KLC1: variants seen among roughly 807,000 people sequenced by gnomAD.
The protein encoded by KLC1 is kinesin light chain 1, also known as kinesin 2 60/70kDa.
KLC1 carries 30 observed loss-of-function variants against 84.2 expected under a neutral mutation model. That is an observed-to-expected ratio of 0.36 (90% CI 0.27 to 0.48). KLC1 has a LOEUF of 0.48. Ranked by LOEUF, KLC1 falls within the 20% of genes least tolerant of loss-of-function variation. KLC1 has a pLI of 0.99. For missense variants in KLC1, 499 were observed against 805.4 expected (o/e 0.62, Z 4.60); for synonymous variants, 289 against 293.3 (o/e 0.99, Z 0.15).
At chr14:103,655,443 C>T (rs1399444642) in intron 2 of KLC1, among the ~76,000 whole-genome samples, 1 of 151,362 alleles carries the variant, frequency 6.6e-6, no homozygotes, top group Non-Finnish European at 1.5e-5. Flanking sequence ...GCTGGGATTA[C>T]AGGCATGGGC....
chr14:103,642,214 G>A (rs1354331657), intron 1 of KLC1, among the ~76,000 whole-genome samples: 1 of 152,152 alleles, frequency 6.6e-6, no homozygotes, highest in African/African-American at 2.4e-5. Flanking sequence ...ACAGGCATGA[G>A]CCACTGCTCA....
intron 14 of KLC1, among the ~76,000 whole-genome samples, chr14:103,689,970 AG>A (rs2081997301): frequency 6.6e-6 from 1 of 152,146 alleles, no homozygotes; most frequent in African/African-American, 2.4e-5. Flanking sequence ...ACTTGAGATC[AG>A]GAGTTTGAAA....
intron 3 of KLC1, among the ~76,000 whole-genome samples, chr14:103,658,194 T>A (rs1200035354): frequency 6.6e-6 from 1 of 152,208 alleles, no homozygotes; most frequent in African/African-American, 2.4e-5. Flanking sequence ...GCCTCTCTCA[T>A]CCTCCCCTTG....
intron 14 of KLC1, among the ~76,000 whole-genome samples, chr14:103,689,459 A>C (rs924032412): frequency 1.3e-5 from 2 of 152,228 alleles, no homozygotes; most frequent in Non-Finnish European, 2.9e-5. Flanking sequence ...TTTCTACATG[A>C]CTTTGGAAAT....
intron 1 of KLC1, among the ~76,000 whole-genome samples, chr14:103,644,979 C>G (rs1401784033): frequency 6.6e-6 from 1 of 151,552 alleles, no homozygotes; most frequent in African/African-American, 2.4e-5. Flanking sequence ...TTCTCTCTCT[C>G]TTTCTTTCTT....
chr14:103,698,197 C>G (rs118143436), intron 15 of KLC1: 1 of 160,540 alleles, frequency 6.2e-6, no homozygotes, highest in African/African-American at 2.4e-5. Context: ...GTGGGATATG[C>G]TTTCTCCACC....
In KLC1 at chr14:103,673,377, C is replaced by G. The variant is rs1012756543; in HGVS notation, c.1207C>G (p.Leu403Val). 2.5e-6 allele frequency: 4 copies of G among 1,609,402 alleles called. No homozygotes were observed. In the African/African-American group the frequency reaches 5.4e-5, roughly 22 times the overall value. Residue 403 changes from leucine (L) to valine (V), a missense_variant, in exon 9 of 17, where the codon CTG becomes GTG. Leu to Val is a conservative substitution (Grantham distance 32). Around this residue, in one of 3 missense-constraint regions of KLC1, gnomAD observed 153 missense variants for 332.4 expected, o/e 0.46. Transcript: ENST00000334553. ...KQGKFKQAET[L>V]YKEILTRAHE... Reference sequence around the variant, plus strand: ...AGGAAAGTTCAAGCAAGCAGAAACACTGTACAAAGAGATTCTCACTCGTGC... The same window carrying G: ...AGGAAAGTTCAAGCAAGCAGAAACAGTGTACAAAGAGATTCTCACTCGTGC...
intron 1 of KLC1, among the ~76,000 whole-genome samples, chr14:103,639,573 G>A (rs1473736524): frequency 6.6e-6 from 1 of 152,104 alleles, no homozygotes; most frequent in African/African-American, 2.4e-5. Flanking sequence ...CTCCTGAGTA[G>A]CTGGGACCAC....
At chr14:103,647,144 CT>C (rs1567012250) in intron 1 of KLC1, among the ~76,000 whole-genome samples, 1 of 152,090 alleles carries the variant, frequency 6.6e-6, no homozygotes, top group African/African-American at 2.4e-5. Context: ...CTACAGTTAC[CT>C]TGTCTATCCG....
At chr14:103,656,056 T>C (rs984663880) in intron 2 of KLC1, among the ~76,000 whole-genome samples, 1 of 152,240 alleles carries the variant, frequency 6.6e-6, no homozygotes, top group South Asian at 2.1e-4. Flanking sequence ...CACTGCACCT[T>C]GGCAGCCTGT....
intron 1 of KLC1, 71 bp from the exon 2 acceptor site, chr14:103,654,493 A>G: frequency 7.7e-7 from 1 of 1,306,082 alleles, no homozygotes; most frequent in African/African-American, 1.5e-5. Context: ...AAAAATTTTC[A>G]TATTTACTTG....
At chr14:103,636,792 G>A (rs1268236242) in intron 1 of KLC1, among the ~76,000 whole-genome samples, 3 of 151,438 alleles carry the variant, frequency 2.0e-5, no homozygotes, top group African/African-American at 7.3e-5. Context: ...GCGCGATCTC[G>A]GCTCACTGCA....
At chr14:103,678,574 C>T (rs1018693993) in intron 12 of KLC1, among the ~76,000 whole-genome samples, 2 of 151,656 alleles carry the variant, frequency 1.3e-5, no homozygotes, top group African/African-American at 4.8e-5. Flanking sequence ...CCTGTGGTCC[C>T]AGCTATTTGG....
chr14:103,668,483 T>C (rs1308353689), intron 5 of KLC1, among the ~76,000 whole-genome samples: 1 of 152,160 alleles, frequency 6.6e-6, no homozygotes, highest in Non-Finnish European at 1.5e-5. Context: ...CTTTTTTCTT[T>C]TTTTTTTCTT....
chr14:103,700,728 G>A lies in KLC1; in HGVS notation c.*1+1G>A, dbSNP rs368539982. ...TGGCCTGGAAGACGCCACCGCTAAC[G>A]TGAGTCCCACGGCCTGCAGCCCCAG... On this transcript the variant is annotated splice_donor_variant, in intron 16 of 16. Coordinates refer to ENST00000334553, the MANE Select transcript of KLC1 (RefSeq NM_001394837.1). LOFTEE classifies it low-confidence loss of function (3UTR_SPLICE). 5.6e-6 allele frequency: 9 copies of A among 1,594,640 alleles called. No homozygotes were observed. The highest frequency in any genetic ancestry group is 6.8e-6 in the Non-Finnish European group (8 of 1,171,414).
intron 1 of KLC1, among the ~76,000 whole-genome samples, chr14:103,649,753 T>G (rs972340342): frequency 3.3e-5 from 5 of 151,430 alleles, no homozygotes; most frequent in African/African-American, 1.2e-4. Context: ...TGGAGTGCAG[T>G]GGCGCCATCT....
intron 1 of KLC1, among the ~76,000 whole-genome samples, chr14:103,638,900 GGTGTGTGT>G (rs530816509): frequency 6.7e-6 from 1 of 150,038 alleles, no homozygotes; most frequent in African/African-American, 2.4e-5. Flanking sequence ...TGAGCACAAG[GGTGTGTGT>G]GTGTGTGTGC....
rs3212135 is a variant in KLC1, at chr14:103,696,785, C to T, written c.1849-3870C>T. ...TGGTGAGGCAATGAGGGTCAGGGCG[C>T]GTGGTCCCTGAGGGAGGGTCTTCAG... On this transcript the variant is annotated intron_variant, in intron 15 of 16. Transcript: ENST00000334553. 6,439 of 985,456 alleles carry T rather than the reference C, an allele frequency of 6.5e-3. 64 individuals carry two copies. The highest frequency in any genetic ancestry group is 0.043 in the East Asian group (383 of 8,810). The allele number at this position is 985,456 out of a possible 1,614,324, so 61.0% of individuals were successfully genotyped here. A position where few individuals can be genotyped will look rare whatever the true frequency, so the allele number is the denominator to read the frequency against.
chr14:103,685,753 G>C (rs2081734943), intron 13 of KLC1: 7 of 1,281,926 alleles, frequency 5.5e-6, no homozygotes, highest in Non-Finnish European at 5.1e-6. Flanking sequence ...GATCTTGTCA[G>C]AGCTGCACCT....
Sources: allele counts gnomAD v4.1 joint callset (sites outside exome capture counted in the v4.1 genomes callset), GRCh38; gene constraint gnomAD v4.1.1; regional missense constraint gnomAD v4.1.1; transcripts MANE v1.5; gene names NCBI Gene and HGNC (gene_info 2026-07-23, HGNC 2026-07-21).